The following SEM1 variants were observed in gnomAD, a reference collection of about 807,000 sequenced individuals.
SEM1 encodes SEM1 26S proteasome subunit.
Under a neutral mutation model 12.7 loss-of-function variants are expected in SEM1, and 3 were observed. The observed-to-expected ratio is 0.24, with a 90% CI of 0.11 to 0.61. SEM1 has a LOEUF of 0.61. Ranked by LOEUF, SEM1 falls within the 20% of genes least tolerant of loss-of-function variation. The pLI is 0.88. For missense variants in SEM1, 59 were observed against 81.3 expected (o/e 0.73, Z 1.06); for synonymous variants, 30 against 27.8 (o/e 1.08, Z -0.25).
chr7:96,635,007 T>C (rs1285678796), intron 2 of SEM1, among the ~76,000 whole-genome samples: 1 of 152,094 alleles, frequency 6.6e-6, no homozygotes, highest in Non-Finnish European at 1.5e-5. Context: ...AGTATGGAAA[T>C]GGCCAACCCA....
At chr7:96,568,663 T>C (rs1805926502) in intron 2 of SEM1, among the ~76,000 whole-genome samples, 1 of 151,902 alleles carries the variant, frequency 6.6e-6, no homozygotes, top group Non-Finnish European at 1.5e-5. Context: ...GTATGTTGTT[T>C]GGATTTCTTC....
At chr7:96,508,079 T>C (rs1803812547) in intron 2 of SEM1, among the ~76,000 whole-genome samples, 1 of 151,830 alleles carries the variant, frequency 6.6e-6, no homozygotes, top group African/African-American at 2.4e-5. Context: ...CTCAAGCTGG[T>C]GTAGGTATGA....
At chr7:96,561,203 A>T (rs988931430) in intron 2 of SEM1, among the ~76,000 whole-genome samples, 8 of 152,232 alleles carry the variant, frequency 5.3e-5, no homozygotes, top group Admixed American at 1.3e-4. Context: ...TTTCAAGATA[A>T]TTAGAATAAT....
chr7:96,672,823 G>T (rs943766084), downstream of SEM1: 31 of 152,166 alleles, frequency 2.0e-4, no homozygotes, highest in Admixed American at 2.0e-3. Context: ...CCAACACAAA[G>T]AAAACATTTT....
chr7:96,500,169 A>C (rs1479525576), upstream of SEM1, among the ~76,000 whole-genome samples: 1 of 152,028 alleles, frequency 6.6e-6, no homozygotes, highest in Non-Finnish European at 1.5e-5. Flanking sequence ...TGATACAAAC[A>C]ACACTGGACT....
intron 2 of SEM1, among the ~76,000 whole-genome samples, chr7:96,626,214 T>C (rs1300665997): frequency 2.0e-5 from 3 of 152,116 alleles, no homozygotes; most frequent in Non-Finnish European, 4.4e-5. Flanking sequence ...TTCTACTCTA[T>C]ACGTCCATAA....
chr7:96,577,115 CAA>C (rs34984231), intron 2 of SEM1, among the ~76,000 whole-genome samples: 10,034 of 146,668 alleles, frequency 0.068, 431 homozygotes, highest in African/African-American at 0.11. Flanking sequence ...AAAACTCTGT[CAA>C]AAAAAAAAAA....
At chr7:96,577,755 A>G (rs1383644010) in intron 2 of SEM1, among the ~76,000 whole-genome samples, 1 of 152,072 alleles carries the variant, frequency 6.6e-6, no homozygotes, top group Non-Finnish European at 1.5e-5. Context: ...TTGAGCTTCA[A>G]AAAAATTCCA....
chr7:96,547,220 T>C (rs1309353201), intron 2 of SEM1, among the ~76,000 whole-genome samples: 1 of 152,194 alleles, frequency 6.6e-6, no homozygotes, highest in East Asian at 1.9e-4. Flanking sequence ...ATCTCCAGTG[T>C]TGATGTTTCC....
chr7:96,613,259 G>C (rs1807599033), intron 2 of SEM1, among the ~76,000 whole-genome samples: 1 of 152,140 alleles, frequency 6.6e-6, no homozygotes, highest in Non-Finnish European at 1.5e-5. Context: ...CAGAGAAAAA[G>C]TTTGCACACG....
upstream of SEM1, among the ~76,000 whole-genome samples, chr7:96,498,469 T>C (rs776527507): frequency 2.0e-5 from 3 of 152,178 alleles, no homozygotes; most frequent in Non-Finnish European, 4.4e-5. Flanking sequence ...TTATAAGGTT[T>C]GAGATGGAGA....
intron 2 of SEM1, among the ~76,000 whole-genome samples, chr7:96,549,882 C>A (rs1377155022): frequency 1.3e-5 from 2 of 151,946 alleles, no homozygotes; most frequent in Admixed American, 1.3e-4. Flanking sequence ...ATGCTTTTAC[C>A]TATGCACAAT....
chr7:96,652,173 G>A (rs1809014642), intron 2 of SEM1, among the ~76,000 whole-genome samples: 1 of 152,080 alleles, frequency 6.6e-6, no homozygotes, highest in African/African-American at 2.4e-5. Context: ...AAAATTAAAT[G>A]CACACTCAAG....
chr7:96,707,023 A>G (rs1329320279), intron 1 of SEM1, among the ~76,000 whole-genome samples: 1 of 152,258 alleles, frequency 6.6e-6, no homozygotes, highest in Non-Finnish European at 1.5e-5. Context: ...CTCAAATACC[A>G]AAAGATTGAA....
chr7:96,625,451 G>A (rs1292212272), intron 2 of SEM1, among the ~76,000 whole-genome samples: 1 of 152,108 alleles, frequency 6.6e-6, no homozygotes, highest in Non-Finnish European at 1.5e-5. Context: ...TCCCTGCAGG[G>A]ACATGTGGCT....
intron 2 of SEM1, among the ~76,000 whole-genome samples, chr7:96,541,944 CTT>C (rs34050482): frequency 2.2e-3 from 200 of 92,428 alleles, no homozygotes; most frequent in South Asian, 0.014. Flanking sequence ...GCCTATGTGT[CTT>C]TTTTTTTTTT....
intron 2 of SEM1, among the ~76,000 whole-genome samples, chr7:96,584,833 A>G (rs1362438096): frequency 1.3e-5 from 2 of 151,526 alleles, no homozygotes; most frequent in African/African-American, 2.4e-5. Context: ...TCCTTTAAGC[A>G]CTTCTCTGTA....
At chr7:96,562,618 C>T (rs904307398) in intron 2 of SEM1, among the ~76,000 whole-genome samples, 1 of 152,084 alleles carries the variant, frequency 6.6e-6, no homozygotes, top group African/African-American at 2.4e-5. Flanking sequence ...TATGAATTTC[C>T]ATATTCAAGG....
At chr7:96,650,807 T>C (rs894566632) in intron 2 of SEM1, among the ~76,000 whole-genome samples, 7 of 152,160 alleles carry the variant, frequency 4.6e-5, no homozygotes, top group Non-Finnish European at 4.4e-5. Flanking sequence ...CAGTGACCTT[T>C]TCATGTGTAT....
Sources: allele counts gnomAD v4.1 joint callset (sites outside exome capture counted in the v4.1 genomes callset), GRCh38; gene constraint gnomAD v4.1.1; transcripts MANE v1.5; gene names NCBI Gene and HGNC (gene_info 2026-07-23, HGNC 2026-07-21).